The following CPT1A variants were observed in gnomAD, a reference collection of about 807,000 sequenced individuals.
CPT1A encodes carnitine palmitoyltransferase 1A.
A neutral mutation model predicts 100.8 loss-of-function variants in CPT1A; 64 were observed. The ratio of observed to expected loss-of-function variants is 0.63; its 90% CI spans 0.52 to 0.78. CPT1A has a LOEUF of 0.78. Among genes scored for constraint, CPT1A ranks in the 30% least tolerant of loss-of-function variants. The pLI, the probability that CPT1A is intolerant of heterozygous loss-of-function variation, is 0.00. For missense variants in CPT1A, 802 were observed against 1,034.1 expected (o/e 0.78, Z 3.08); for synonymous variants, 363 against 396.0 (o/e 0.92, Z 0.99).
intron 1 of CPT1A, among the ~76,000 whole-genome samples, chr11:68,833,417 C>T (rs1856928222): frequency 2.0e-5 from 3 of 152,260 alleles, no homozygotes; most frequent in African/African-American, 7.2e-5. Context: ...TGTAATGGTG[C>T]CCTTGTACTT....
chr11:68,807,109 C>T (rs1383267466), intron 4 of CPT1A, among the ~76,000 whole-genome samples: 4 of 152,044 alleles, frequency 2.6e-5, no homozygotes, highest in Non-Finnish European at 5.9e-5. Flanking sequence ...GTCACGGGAG[C>T]CTGTCTGAGG....
intron 8 of CPT1A, among the ~76,000 whole-genome samples, chr11:68,793,969 CACTT>C (rs1436201356): frequency 6.6e-6 from 1 of 152,134 alleles, no homozygotes; most frequent in African/African-American, 2.4e-5. Flanking sequence ...TGATAACTGA[CACTT>C]ACAACCAAAG....
chr11:68,797,743 T>A (rs1316502840), intron 6 of CPT1A, among the ~76,000 whole-genome samples: 1 of 152,164 alleles, frequency 6.6e-6, no homozygotes, highest in Non-Finnish European at 1.5e-5. Context: ...TTTGGGAGAC[T>A]GAGGCGGGCT....
chr11:68,759,636 G>A lies in CPT1A; in HGVS notation c.2168C>T (p.Ser723Leu), dbSNP rs1946763593. 5 of 1,613,492 alleles carry A rather than the reference G, an allele frequency of 3.1e-6. No individual in the cohort carries two copies. The highest frequency in any genetic ancestry group is 1.3e-5 in the African/African-American group (1 of 74,872). The change falls in exon 18 of 19, where the codon TCG (serine) becomes TTG (leucine). Residue 723 changes from serine to leucine, a missense_variant. This residue lies in a region of CPT1A where 627 missense variants were observed against 799.3 expected (regional missense o/e 0.78). Transcript: ENST00000265641. ...GPVADDGYGV[S>L]YILVGENLIN... ...GAGGTTCTCTCCCACAAGGATGTACGACACACCATAGCCGTCATCAGCAAC... is the reference window on the plus strand; with the variant it reads ...GAGGTTCTCTCCCACAAGGATGTACAACACACCATAGCCGTCATCAGCAAC...
chr11:68,839,283 CAAGTTTAATTGCTCGCTTGGA>C (rs1028694832), intron 1 of CPT1A, among the ~76,000 whole-genome samples: 3 of 152,254 alleles, frequency 2.0e-5, no homozygotes, highest in Middle Eastern at 6.3e-3. Context: ...TTTCGGGCAG[CAAGTTTAATTGCTCGCTTGGA>C]AAGCGTCCTC....
chr11:68,826,443 A>G (rs546455318), intron 1 of CPT1A, among the ~76,000 whole-genome samples: 2 of 145,692 alleles, frequency 1.4e-5, no homozygotes, highest in East Asian at 2.0e-4. Flanking sequence ...CTCCGTCTCA[A>G]AAAAAAAAAG....
chr11:68,762,506 A>G, intron 15 of CPT1A, 121 bp downstream of exon 15: 1 of 1,265,106 alleles, frequency 7.9e-7, no homozygotes, highest in East Asian at 2.4e-5. Flanking sequence ...AGCTGAATTG[A>G]GCACCCCTAA....
intron 16 of CPT1A, 133 bp from the exon 17 acceptor site, chr11:68,760,471 G>C (rs930353922): frequency 2.5e-6 from 2 of 795,612 alleles, no homozygotes; most frequent in East Asian, 2.8e-5. Context: ...GTCTCCAAAG[G>C]CCTCACTGGC....
chr11:68,817,327 C>G (rs1856455992), intron 1 of CPT1A, among the ~76,000 whole-genome samples: 1 of 152,064 alleles, frequency 6.6e-6, no homozygotes, highest in Non-Finnish European at 1.5e-5. Context: ...CTCCACCAGC[C>G]AAAACACAGA....
chr11:68,810,321 G>T (rs1856167164), intron 3 of CPT1A, among the ~76,000 whole-genome samples: 1 of 152,228 alleles, frequency 6.6e-6, no homozygotes, highest in Non-Finnish European at 1.5e-5. Context: ...AGCCAGGCCT[G>T]CCCTGAGCAC....
At chr11:68,838,879 CT>C (rs1483412417) in intron 1 of CPT1A, among the ~76,000 whole-genome samples, 1 of 152,214 alleles carries the variant, frequency 6.6e-6, no homozygotes, top group Non-Finnish European at 1.5e-5. Flanking sequence ...ATCTGTGCCT[CT>C]TTAACTTTGC....
intron 2 of CPT1A, among the ~76,000 whole-genome samples, chr11:68,814,600 A>G (rs1856330602): frequency 1.3e-5 from 2 of 152,104 alleles, no homozygotes; most frequent in Non-Finnish European, 2.9e-5. Context: ...GAGCCACTGC[A>G]CCCGGACCTT....
At chr11:68,789,313 C>T (rs534122694) in intron 9 of CPT1A, among the ~76,000 whole-genome samples, 6 of 152,060 alleles carry the variant, frequency 3.9e-5, no homozygotes, top group African/African-American at 1.4e-4. Context: ...TGGGATCCTC[C>T]GGTGGGGATG....
At chr11:68,782,969 G>A (rs1049576429) in intron 10 of CPT1A, among the ~76,000 whole-genome samples, 5 of 152,274 alleles carry the variant, frequency 3.3e-5, no homozygotes, top group Admixed American at 2.6e-4. Flanking sequence ...GCCCCGCGGC[G>A]CCGGCTCAGG....
intron 15 of CPT1A, among the ~76,000 whole-genome samples, 188 bp downstream of exon 15, chr11:68,762,439 C>T (rs747896660): frequency 1.6e-4 from 24 of 152,234 alleles, no homozygotes; most frequent in Non-Finnish European, 3.1e-4. Context: ...CTTGTCCCTA[C>T]CTTTACCTTT....
intron 5 of CPT1A, among the ~76,000 whole-genome samples, chr11:68,801,686 G>A (rs732853): frequency 0.035 from 5,121 of 145,490 alleles, 291 homozygotes; most frequent in African/African-American, 0.13. Context: ...CAGGGACTCA[G>A]TAACCAAGCC....
chr11:68,776,485 A>G (rs1855143422), intron 12 of CPT1A, among the ~76,000 whole-genome samples: 1 of 152,236 alleles, frequency 6.6e-6, no homozygotes. Context: ...TCTATATAAG[A>G]TGTCCAAAAT....
chr11:68,823,339 A>T (rs1323105089), intron 1 of CPT1A, among the ~76,000 whole-genome samples: 1 of 152,238 alleles, frequency 6.6e-6, no homozygotes, highest in Non-Finnish European at 1.5e-5. Flanking sequence ...ACCAAAAAAT[A>T]CTGTCTGAAG....
chr11:68,814,190 A>G (rs1357720812), intron 2 of CPT1A, among the ~76,000 whole-genome samples: 3 of 148,440 alleles, frequency 2.0e-5, no homozygotes, highest in Non-Finnish European at 4.4e-5. Context: ...AAATAAATTA[A>G]AATACATGGA....
Sources: gnomAD v4.1 joint callset for allele counts (sites outside exome capture counted in the v4.1 genomes callset) on GRCh38, gnomAD v4.1.1 for gene constraint, gnomAD v4.1.1 regional missense constraint, MANE v1.5 for transcripts, NCBI Gene and HGNC (gene_info 2026-07-23, HGNC 2026-07-21) for gene names.